ASB18: variants seen among roughly 807,000 people sequenced by gnomAD.
ASB18 encodes ankyrin repeat and SOCS box containing 18.
Under a neutral mutation model 33.4 loss-of-function variants are expected in ASB18, and 33 were observed. That is an observed-to-expected ratio of 0.99 (90% CI 0.75 to 1.32). The LOEUF (loss-of-function observed/expected upper bound fraction) is 1.32, where lower values mean the gene tolerates loss of function less well. Ranked by LOEUF, ASB18 falls within the 40% of genes most tolerant of loss-of-function variation. ASB18 has a pLI of 0.00. For synonymous variants in ASB18, 295 were observed against 307.6 expected (o/e 0.96, Z 0.43); for missense variants, 694 against 655.5 (o/e 1.06, Z -0.64).
At chr2:236,254,349 T>C (rs905768350) in intron 1 of ASB18, among the ~76,000 whole-genome samples, 1 of 151,708 alleles carries the variant, frequency 6.6e-6, no homozygotes, top group South Asian at 2.1e-4. Flanking sequence ...TGGAATCTGC[T>C]CTCTATTCTC....
Position 236,238,058 on chromosome 2 carries a change from G to C in ASB18, c.329-102C>G. 9.7e-7 allele frequency: 1 copy of C among 1,030,420 alleles called. No individual in the cohort carries two copies. The highest frequency in any genetic ancestry group is 1.3e-6 in the Non-Finnish European group (1 of 766,926). The allele number at this position is 1,030,420 out of a possible 1,614,324, so 63.8% of individuals were successfully genotyped here. A position where few individuals can be genotyped will look rare whatever the true frequency, so the allele number is the denominator to read the frequency against. ...AAAGAAAGTGAAGCCGTCTCTTAAAGGTAGGTACCAGGTAGGCATGTAGGG... is the reference window on the plus strand; with the variant it reads ...AAAGAAAGTGAAGCCGTCTCTTAAACGTAGGTACCAGGTAGGCATGTAGGG... On this transcript the variant is annotated intron_variant, in intron 2 of 5. Transcript: ENST00000409749. This position sits in a 1 kb window ranked among gnomAD's most constrained non-coding sequence, Gnocchi z 5.2.
rs79325730 is a variant in ASB18, at chr2:236,254,173, C to G, written c.205+9968G>C. The G allele has an allele frequency of 3.0e-4, 45 of 152,268 alleles. No individual in the cohort carries two copies. The East Asian group carries it at 8.3e-3, about 28-fold the overall frequency. The allele number at this position is 152,268 out of a possible 1,614,324, so 9.4% of individuals were successfully genotyped here. A position where few individuals can be genotyped will look rare whatever the true frequency, so the allele number is the denominator to read the frequency against. ...AGGAGGTGGCTGAGTTCCAATAAAACTTTATTCATAAAAACAGGAAGCCAG... is the reference window on the plus strand; with the variant it reads ...AGGAGGTGGCTGAGTTCCAATAAAAGTTTATTCATAAAAACAGGAAGCCAG... On this transcript the variant is annotated intron_variant, in intron 1 of 5. Transcript: ENST00000409749.
rs1247519827 is a variant in ASB18, at chr2:236,204,009, G to T, written c.1102-7624C>A. Among the ~76,000 whole-genome samples the T allele has an allele frequency of 6.6e-6, 1 of 152,146 alleles. No individual in the cohort carries two copies. The highest frequency in any genetic ancestry group is 1.5e-5 in the Non-Finnish European group (1 of 67,996). ...TGTGTCCATCTAGGGGAGAGATGGT[G>T]GTGGCCTCACCTCAGGTGGTGGCAG... is the stretch of plus-strand genomic sequence containing the variant. On this transcript the variant is annotated intron_variant, in intron 4 of 5. Transcript: ENST00000409749. The surrounding 1 kb of genome is among the most constrained non-coding windows in gnomAD (Gnocchi z 5.1).
In ASB18 at chr2:236,222,897, GTAGTCCCA is replaced by G. The variant is rs1309454303; in HGVS notation, c.597-8039_597-8032del. Among the ~76,000 whole-genome samples, 1 of 152,198 alleles carries G rather than the reference GTAGTCCCA, an allele frequency of 6.6e-6. No individual in the cohort carries two copies. The highest frequency in any genetic ancestry group is 1.5e-5 in the Non-Finnish European group (1 of 68,038). On this transcript the variant is annotated intron_variant, in intron 3 of 5. Transcript: ENST00000409749. The surrounding 1 kb of genome is among the most constrained non-coding windows in gnomAD (Gnocchi z 5.5). ...TAGATGGGTGTGGTGGCGCACACCT[GTAGTCCCA>G]GCTACTTGGGAAGCTGAAGCAGGAG...
chr2:236,201,131 C>A (rs2060399169), intron 4 of ASB18, among the ~76,000 whole-genome samples: 1 of 151,066 alleles, frequency 6.6e-6, no homozygotes, highest in Non-Finnish European at 1.5e-5. Flanking sequence ...TCCTTCCTTC[C>A]TTCCCTCCTT....
rs1574670421 is a variant in ASB18, at chr2:236,250,787, A to G, written c.206-9385T>C. ...AAAGTAAGAAGCTGGGCAGGTATAT[A>G]AAGTTCTGCTTTTAAGAGTTCCAGG... On this transcript the variant is annotated intron_variant, in intron 1 of 5. Transcript: ENST00000409749. The surrounding 1 kb of genome is among the most constrained non-coding windows in gnomAD (Gnocchi z 4.1). 1 of 152,368 alleles carries G rather than the reference A, an allele frequency of 6.6e-6. No homozygotes were observed. The highest frequency in any genetic ancestry group is 1.9e-4 in the East Asian group (1 of 5,188). 9.4% of individuals were successfully genotyped at this position (152,368 alleles called of 1,614,324 possible). A position where few individuals can be genotyped will look rare whatever the true frequency, so the allele number is the denominator to read the frequency against.
rs1310472754 is a variant in ASB18 at position 236,214,843 on chromosome 2, T to C, written c.620A>G (p.His207Arg). Residue 207 changes from histidine (H) to arginine (R), a missense_variant, in exon 4 of 6, where the codon CAC (histidine) becomes CGC (arginine). His to Arg is a conservative substitution (Grantham distance 29). Coordinates refer to ENST00000409749, the MANE Select transcript of ASB18 (RefSeq NM_212556.4). The surrounding 1 kb of genome is among the most constrained non-coding windows in gnomAD (Gnocchi z 6.5). Reference sequence around the variant, plus strand: ...GCCCACGCGCTGCACCGAGGCCCCGTGCTCCAGCAGCGCCTGCGCGCACCT... The same window carrying C: ...GCCCACGCGCTGCACCGAGGCCCCGCGCTCCAGCAGCGCCTGCGCGCACCT... ...SLGCAQALLE[H>R]GASVQRVGGT... 4 of 1,212,644 alleles carry C rather than the reference T, an allele frequency of 3.3e-6. No homozygotes were observed. The highest frequency in any genetic ancestry group is 4.1e-6 in the Non-Finnish European group (4 of 975,392). The allele number at this position is 1,212,644 out of a possible 1,614,324, so 75.1% of individuals were successfully genotyped here. A position where few individuals can be genotyped will look rare whatever the true frequency, so the allele number is the denominator to read the frequency against.
intron 4 of ASB18, among the ~76,000 whole-genome samples, chr2:236,198,296 G>A (rs2060383719): frequency 6.6e-6 from 1 of 152,184 alleles, no homozygotes; most frequent in Admixed American, 6.5e-5. Context: ...ATGGGTGAAT[G>A]CTTTGCATAT....
intron 4 of ASB18, among the ~76,000 whole-genome samples, chr2:236,198,405 A>G (rs7609415): frequency 0.053 from 7,962 of 151,542 alleles, 467 homozygotes; most frequent in African/African-American, 0.14. Context: ...GTCTTGCTCT[A>G]TCACCCAGGC....
intron 1 of ASB18, among the ~76,000 whole-genome samples, chr2:236,254,354 A>C (rs1057074312): frequency 6.6e-6 from 1 of 151,760 alleles, no homozygotes; most frequent in Non-Finnish European, 1.5e-5. Context: ...TCTGCTCTCT[A>C]TTCTCAGAGT....
At chr2:236,261,120 C>T (rs2060715023) in intron 1 of ASB18, among the ~76,000 whole-genome samples, 1 of 152,104 alleles carries the variant, frequency 6.6e-6, no homozygotes, top group Non-Finnish European at 1.5e-5. Flanking sequence ...TCCCATTGAG[C>T]CCCCCAATTA....
rs1362888770 is a variant in ASB18, at chr2:236,221,471, T to C, written c.597-6605A>G. 6.6e-6 allele frequency among the ~76,000 whole-genome samples: 1 copy of C among 152,170 alleles called. No individual in the cohort carries two copies. The highest frequency in any genetic ancestry group is 1.5e-5 in the Non-Finnish European group (1 of 68,034). ...TAATTGAATCATGGGGGTGGTTTCC[T>C]TCATACTGTTCTCTTGGTAGTGAAT... On this transcript the variant is annotated intron_variant, in intron 3 of 5. Transcript: ENST00000409749. The surrounding 1 kb of genome is among the most constrained non-coding windows in gnomAD (Gnocchi z 5.6).
chr2:236,237,666 C>A lies in ASB18; in HGVS notation c.596+23G>T, dbSNP rs1402456226. ...TGGTCTCGGGGCGGGGCGGACGCCG[C>A]GGGCCTGTCCCGAGGTCCTTACCCG... On this transcript the variant is annotated intron_variant, in intron 3 of 5. Coordinates refer to ENST00000409749, the MANE Select transcript of ASB18 (RefSeq NM_212556.4). This position sits in a 1 kb window ranked among gnomAD's most constrained non-coding sequence, Gnocchi z 6.2. The A allele has an allele frequency of 9.4e-6, 13 of 1,386,972 alleles. No homozygotes were observed. The highest frequency in any genetic ancestry group is 1.2e-5 in the Non-Finnish European group (13 of 1,078,388). The allele number at this position is 1,386,972 out of a possible 1,614,324, so 85.9% of individuals were successfully genotyped here.
intron 1 of ASB18, among the ~76,000 whole-genome samples, chr2:236,254,477 A>C (rs905041722): frequency 6.6e-6 from 1 of 151,588 alleles, no homozygotes. Flanking sequence ...GAATCTATAA[A>C]GTTACATTTT....
chr2:236,216,458 C>T lies in ASB18; in HGVS notation c.597-1592G>A, dbSNP rs570980197. The stretch of plus-strand genomic sequence containing the variant: ...TTCCCCAGGCCTAAGGAAGGCACTC[C>T]CTCTTGATCATCTTGGCCCAGAGTT... On this transcript the variant is annotated intron_variant, in intron 3 of 5. Coordinates refer to ENST00000409749, the MANE Select transcript of ASB18 (RefSeq NM_212556.4). This position sits in a 1 kb window ranked among gnomAD's most constrained non-coding sequence, Gnocchi z 6.1. Among the ~76,000 whole-genome samples, 3 of 152,308 alleles carry T rather than the reference C, an allele frequency of 2.0e-5. No homozygotes were observed. The highest frequency in any genetic ancestry group is 1.9e-4 in the East Asian group (1 of 5,178).
At chr2:236,232,085 A>T (rs2060568529) in intron 3 of ASB18, among the ~76,000 whole-genome samples, 1 of 152,226 alleles carries the variant, frequency 6.6e-6, no homozygotes, top group South Asian at 2.1e-4. Context: ...TGAAACATTT[A>T]TCAAGGTATA....
In ASB18 at chr2:236,223,173, T is replaced by G. The variant is rs1436494659; in HGVS notation, c.597-8307A>C. On this transcript the variant is annotated intron_variant, in intron 3 of 5. Transcript: ENST00000409749. This position sits in a 1 kb window ranked among gnomAD's most constrained non-coding sequence, Gnocchi z 4.6. ...ATGCTTCCTGTACAGCCTGCAGAAC[T>G]GTGAGCCAATTAAGCTTTTTTTCTT... Among the ~76,000 whole-genome samples, 1 of 152,210 alleles carries G rather than the reference T, an allele frequency of 6.6e-6. No individual in the cohort carries two copies. The highest frequency in any genetic ancestry group is 2.4e-5 in the African/African-American group (1 of 41,446).
chr2:236,214,309 A>G lies in ASB18; in HGVS notation c.1101+53T>C. On this transcript the variant is annotated intron_variant, in intron 4 of 5. Transcript: ENST00000409749. The surrounding 1 kb of genome is among the most constrained non-coding windows in gnomAD (Gnocchi z 6.5). ...ATGCAACCCAGCTCCCAGGCCGGTC[A>G]CTAAGTGGCAAAACTCCAGGGCACG... is the stretch of plus-strand genomic sequence containing the variant. 6.5e-7 allele frequency: 1 copy of G among 1,530,430 alleles called. No homozygotes were observed. The highest frequency in any genetic ancestry group is 1.2e-5 in the South Asian group (1 of 83,016). The allele number at this position is 1,530,430 out of a possible 1,614,324, so 94.8% of individuals were successfully genotyped here. A position where few individuals can be genotyped will look rare whatever the true frequency, so the allele number is the denominator to read the frequency against.
Position 236,241,348 on chromosome 2 carries a change from A to G in ASB18, c.260T>C (p.Val87Ala). ...LMDQFFQDAN[V>A]VFEINKDEME... Reference sequence around the variant, plus strand: ...CTCATCCTTATTGATCTCAAACACCACGTTGGCATCCTGGAAGAACTGGTC... The same window carrying G: ...CTCATCCTTATTGATCTCAAACACCGCGTTGGCATCCTGGAAGAACTGGTC... The change falls in exon 2 of 6, where the codon GTG becomes GCG. Residue 87 changes from valine (V) to alanine (A), a missense_variant. By Grantham distance (64) the Val-to-Ala change is moderately conservative (BLOSUM62 0). Coordinates refer to ENST00000409749, the MANE Select transcript of ASB18 (RefSeq NM_212556.4). This position sits in a 1 kb window ranked among gnomAD's most constrained non-coding sequence, Gnocchi z 4.2. 1 of 1,613,884 alleles carries G rather than the reference A, an allele frequency of 6.2e-7. No homozygotes were observed. Among genetic ancestry groups the G allele is most frequent in the South Asian group, 1.1e-5 (1 of 91,074 alleles).
Sources: allele counts gnomAD v4.1 joint callset (sites outside exome capture counted in the v4.1 genomes callset), GRCh38; gene constraint gnomAD v4.1.1; non-coding constraint Gnocchi (gnomAD v3.1); transcripts MANE v1.5; gene names NCBI Gene and HGNC (gene_info 2026-07-23, HGNC 2026-07-21).